LRBA: variants seen among roughly 807,000 people sequenced by gnomAD.
LRBA encodes the protein lipopolysaccharide-responsive and beige-like anchor protein.
Under a neutral mutation model 330.0 loss-of-function variants are expected in LRBA, and 176 were observed. The observed-to-expected ratio is 0.53, with a 90% CI of 0.47 to 0.60. LRBA has a LOEUF of 0.60. LRBA is among the 20% of genes least tolerant of loss of function. The pLI is 0.00. For synonymous variants in LRBA, 1,230 were observed against 1,193.0 expected (o/e 1.03, Z -0.64); for missense variants, 3,259 against 3,444.8 (o/e 0.95, Z 1.35).
intron 40 of LRBA, among the ~76,000 whole-genome samples, chr4:150,536,052 T>G (rs2152212448): frequency 6.6e-6 from 1 of 152,268 alleles, no homozygotes; most frequent in East Asian, 1.9e-4. Context: ...TATAAATAAC[T>G]ACTATAAGCA....
At chr4:150,993,369 C>T (rs17027232) in intron 2 of LRBA, among the ~76,000 whole-genome samples, 3,049 of 152,112 alleles carry the variant, frequency 0.02, 85 homozygotes, top group African/African-American at 0.069. Flanking sequence ...AATACTGCAT[C>T]GCCAACTTAT....
intron 17 of LRBA, among the ~76,000 whole-genome samples, chr4:150,876,168 C>T (rs1323201573): frequency 6.6e-6 from 1 of 151,810 alleles, no homozygotes; most frequent in Non-Finnish European, 1.5e-5. Flanking sequence ...TTTACCTGAA[C>T]AAAAATTTTC....
At chr4:150,310,148 A>C in intron 52 of LRBA, 81 bp downstream of exon 52, 1 of 921,986 alleles carries the variant, frequency 1.1e-6, no homozygotes, top group Non-Finnish European at 1.7e-6. Flanking sequence ...TTTTGGAAGG[A>C]AGCAGATAAG....
chr4:150,829,242 C>G (rs372072096), intron 29 of LRBA, among the ~76,000 whole-genome samples: 1 of 152,116 alleles, frequency 6.6e-6, no homozygotes, highest in Non-Finnish European at 1.5e-5. Context: ...GGCCCAAGTC[C>G]GCAATCTTTA....
At chr4:150,997,283 G>A (rs1030094307) in intron 2 of LRBA, among the ~76,000 whole-genome samples, 3 of 152,176 alleles carry the variant, frequency 2.0e-5, no homozygotes, top group Non-Finnish European at 4.4e-5. Flanking sequence ...TAAAGAAACA[G>A]AGCAGTCCCT....
intron 14 of LRBA, among the ~76,000 whole-genome samples, chr4:150,898,446 G>A (rs1730352601): frequency 1.3e-5 from 2 of 151,994 alleles, no homozygotes. Flanking sequence ...CAAGTAGAAA[G>A]CTTTTGAAAC....
chr4:150,637,417 G>A (rs1026475151), intron 37 of LRBA, among the ~76,000 whole-genome samples: 2 of 152,134 alleles, frequency 1.3e-5, no homozygotes, highest in African/African-American at 4.8e-5. Context: ...GTGACAGACA[G>A]CTCCAACATA....
At chr4:150,653,249 T>C (rs936707601) in intron 37 of LRBA, among the ~76,000 whole-genome samples, 2 of 152,182 alleles carry the variant, frequency 1.3e-5, no homozygotes. Flanking sequence ...GAGATAAACA[T>C]ATGATTCTCA....
intron 42 of LRBA, among the ~76,000 whole-genome samples, chr4:150,480,023 T>C (rs1187868838): frequency 1.3e-5 from 2 of 152,178 alleles, no homozygotes; most frequent in Non-Finnish European, 2.9e-5. Flanking sequence ...CAATACCAAA[T>C]TAGGTATGCT....
In LRBA at chr4:150,617,078, C is replaced by T. The variant is rs564981965; in HGVS notation, c.5922-17947G>A. 3.3e-5 allele frequency among the ~76,000 whole-genome samples: 5 copies of T among 152,114 alleles called. No homozygotes were observed. The South Asian group carries it at 1.0e-3, about 32-fold the overall frequency. On this transcript the variant is annotated intron_variant, in intron 37 of 56. Coordinates refer to ENST00000651943, the MANE Select transcript of LRBA (RefSeq NM_001364905.1). ...ACTTCAAATACTGACACTCAAGTAT[C>T]AATATTCAACTTTGAGGAGAATCAA...
chr4:150,887,999 A>C (rs559338823), intron 17 of LRBA, among the ~76,000 whole-genome samples: 7 of 152,130 alleles, frequency 4.6e-5, no homozygotes, highest in African/African-American at 1.7e-4. Flanking sequence ...CAAAAACCTA[A>C]AGAAAATGTC....
chr4:150,847,067 A>G (rs1749951360), intron 26 of LRBA, among the ~76,000 whole-genome samples: 1 of 152,154 alleles, frequency 6.6e-6, no homozygotes, highest in African/African-American at 2.4e-5. Flanking sequence ...TTATAATACT[A>G]ATAGATTAAA....
intron 22 of LRBA, among the ~76,000 whole-genome samples, chr4:150,855,559 T>A (rs1751124827): frequency 6.6e-6 from 1 of 152,146 alleles, no homozygotes; most frequent in Non-Finnish European, 1.5e-5. Context: ...AGAAACAATT[T>A]TTTTTAATCT....
intron 50 of LRBA, among the ~76,000 whole-genome samples, chr4:150,317,578 A>G (rs1346117382): frequency 6.6e-6 from 1 of 152,154 alleles, no homozygotes. Context: ...ACAAGGGAGG[A>G]CCAGGAAAAA....
chr4:150,400,388 G>A (rs931212222), intron 47 of LRBA, among the ~76,000 whole-genome samples: 2 of 152,104 alleles, frequency 1.3e-5, no homozygotes, highest in African/African-American at 4.8e-5. Context: ...CTGAGATGCA[G>A]ATTATATTTC....
At chr4:150,792,102 C>A (rs2126645833) in intron 34 of LRBA, among the ~76,000 whole-genome samples, 1 of 137,440 alleles carries the variant, frequency 7.3e-6, no homozygotes, top group African/African-American at 2.7e-5. Context: ...GTCAAAATTT[C>A]TATTTTTTGG....
chr4:150,859,964 A>G (rs1485529927), intron 22 of LRBA, among the ~76,000 whole-genome samples: 1 of 152,200 alleles, frequency 6.6e-6, no homozygotes, highest in Admixed American at 6.5e-5. Flanking sequence ...CAATAATTCC[A>G]GTGGAATTTT....
intron 40 of LRBA, among the ~76,000 whole-genome samples, chr4:150,526,604 C>T (rs969133521): frequency 5.3e-5 from 8 of 152,066 alleles, no homozygotes; most frequent in Admixed American, 1.3e-4. Flanking sequence ...CAGACCTTCA[C>T]AAAAATAGAC....
intron 53 of LRBA, 133 bp downstream of exon 53, chr4:150,302,492 T>C (rs1729799776): frequency 2.1e-6 from 1 of 477,462 alleles, no homozygotes; most frequent in African/African-American, 2.0e-5. Context: ...TTTGGATCAT[T>C]CTTAAATTAT....
Sources: gnomAD v4.1 joint callset for allele counts (sites outside exome capture counted in the v4.1 genomes callset) on GRCh38, gnomAD v4.1.1 for gene constraint, MANE v1.5 for transcripts, NCBI Gene and HGNC (gene_info 2026-07-23, HGNC 2026-07-21) for gene names.